Variants in DGKB observed in about 807,000 individuals in gnomAD.
DGKB encodes 90 kDa diacylglycerol kinase.
Under a neutral mutation model 114.3 loss-of-function variants are expected in DGKB, and 67 were observed. The observed-to-expected ratio is 0.59, with a 90% confidence interval of 0.48 to 0.72. DGKB has a LOEUF of 0.72. DGKB is among the 30% of genes least tolerant of loss of function. The probability of loss-of-function intolerance (pLI) is 0.00; values close to 1 mark genes in which losing one functional copy is unlikely to be tolerated. For missense variants in DGKB, 907 were observed against 975.2 expected (o/e 0.93, Z 0.93); for synonymous variants, 398 against 323.1 (o/e 1.23, Z -2.49).
At chr7:14,241,287 C>T (rs1296095579) in intron 23 of DGKB, among the ~76,000 whole-genome samples, 1 of 152,100 alleles carries the variant, frequency 6.6e-6, no homozygotes, top group Non-Finnish European at 1.5e-5. Context: ...TACAATTTCT[C>T]CCACCTAAAA....
intron 23 of DGKB, among the ~76,000 whole-genome samples, chr7:14,234,123 C>T (rs976638760): frequency 6.6e-6 from 1 of 151,952 alleles, no homozygotes; most frequent in Non-Finnish European, 1.5e-5. Context: ...ATGAAACTGT[C>T]AGCTATGGAG....
intron 21 of DGKB, among the ~76,000 whole-genome samples, chr7:14,406,427 A>G (rs961832122): frequency 1.3e-5 from 2 of 152,034 alleles, no homozygotes; most frequent in Non-Finnish European, 2.9e-5. Context: ...GTATATAAAG[A>G]AAAATCCTGC....
At chr7:14,527,020 C>T (rs114764226) in intron 20 of DGKB, among the ~76,000 whole-genome samples, 471 of 152,202 alleles carry the variant, frequency 3.1e-3, no homozygotes, top group African/African-American at 0.01. Context: ...TGCTAAATAT[C>T]CTCAGCATTT....
chr7:14,931,078 C>T (rs1373897135), intron 1 of DGKB, among the ~76,000 whole-genome samples: 2 of 150,162 alleles, frequency 1.3e-5, no homozygotes, highest in Non-Finnish European at 3.0e-5. Context: ...AGTGTATTAA[C>T]GTTTTGATGT....
chr7:14,934,219 T>A (rs188723692), intron 1 of DGKB, among the ~76,000 whole-genome samples: 5 of 152,202 alleles, frequency 3.3e-5, no homozygotes, highest in African/African-American at 1.2e-4. Flanking sequence ...ATTTGAATTA[T>A]GTTTCCCTCT....
At chr7:14,398,854 T>C (rs1436719994) in intron 21 of DGKB, among the ~76,000 whole-genome samples, 2 of 151,742 alleles carry the variant, frequency 1.3e-5, no homozygotes, top group Non-Finnish European at 2.9e-5. Context: ...AAGGTTATGA[T>C]TTTGAAATTC....
intron 21 of DGKB, among the ~76,000 whole-genome samples, chr7:14,468,221 G>C (rs989895194): frequency 6.6e-6 from 1 of 151,944 alleles, no homozygotes; most frequent in Non-Finnish European, 1.5e-5. Flanking sequence ...AACATCAAAG[G>C]GGAAGAAAAT....
intron 5 of DGKB, among the ~76,000 whole-genome samples, chr7:14,728,476 C>G (rs2128379039): frequency 6.6e-6 from 1 of 152,266 alleles, no homozygotes; most frequent in South Asian, 2.1e-4. Flanking sequence ...GTGCTCCTAA[C>G]AAGTCTATCT....
chr7:14,280,404 G>A (rs1028477748), intron 23 of DGKB, among the ~76,000 whole-genome samples: 15 of 152,180 alleles, frequency 9.9e-5, no homozygotes, highest in Admixed American at 7.9e-4. Context: ...TGAAAGTGAT[G>A]GGGAGAATGG....
chr7:14,544,346 A>G (rs1793950311), intron 20 of DGKB, among the ~76,000 whole-genome samples: 1 of 152,210 alleles, frequency 6.6e-6, no homozygotes, highest in African/African-American at 2.4e-5. Flanking sequence ...GATTCTTAGT[A>G]GAAAAGTAGT....
chr7:14,649,339 T>C (rs1465129259), intron 13 of DGKB, among the ~76,000 whole-genome samples: 1 of 151,504 alleles, frequency 6.6e-6, no homozygotes, highest in African/African-American at 2.4e-5. Context: ...GGGACCAATA[T>C]TCAACATTCT....
At chr7:14,543,538 A>C (rs1793819905) in intron 20 of DGKB, among the ~76,000 whole-genome samples, 1 of 152,228 alleles carries the variant, frequency 6.6e-6, no homozygotes, top group Non-Finnish European at 1.5e-5. Context: ...CACTGTTTGC[A>C]TTTTGATAGT....
At chr7:14,733,196 G>A (rs111753750) in intron 5 of DGKB, among the ~76,000 whole-genome samples, 1 of 152,114 alleles carries the variant, frequency 6.6e-6, no homozygotes, top group South Asian at 2.1e-4. Flanking sequence ...AAAACAGCAA[G>A]TGCGGTGAGG....
chr7:14,211,097 C>G (rs910911640), intron 23 of DGKB, among the ~76,000 whole-genome samples: 2 of 152,024 alleles, frequency 1.3e-5, no homozygotes, highest in Non-Finnish European at 2.9e-5. Context: ...TGTTCTCCTA[C>G]TCACCTCTCA....
At chr7:14,901,607 C>CA (rs1554338994) in intron 1 of DGKB, among the ~76,000 whole-genome samples, 2 of 134,046 alleles carry the variant, frequency 1.5e-5, no homozygotes, top group African/African-American at 2.8e-5. Context: ...GGATTTCCAC[C>CA]CCCCCCCACC....
intron 12 of DGKB, among the ~76,000 whole-genome samples, chr7:14,678,064 GA>G (rs1820182450): frequency 6.6e-6 from 1 of 151,974 alleles, no homozygotes; most frequent in African/African-American, 2.4e-5. Flanking sequence ...AGTATTACAG[GA>G]TGATATTATA....
At chr7:14,714,609 G>C (rs1827892699) in intron 6 of DGKB, among the ~76,000 whole-genome samples, 1 of 152,008 alleles carries the variant, frequency 6.6e-6, no homozygotes, top group Non-Finnish European at 1.5e-5. Context: ...TGATTAAATA[G>C]GTAGGTGTTT....
intron 23 of DGKB, among the ~76,000 whole-genome samples, chr7:14,220,243 A>T (rs373449208): frequency 7.3e-5 from 11 of 151,632 alleles, no homozygotes; most frequent in African/African-American, 2.7e-4. Context: ...ATCTTATGGG[A>T]CCACCATTAT....
At chr7:14,418,422 C>T (rs1289137294) in intron 21 of DGKB, among the ~76,000 whole-genome samples, 3 of 91,606 alleles carry the variant, frequency 3.3e-5, no homozygotes, top group African/African-American at 6.9e-5. Flanking sequence ...TGTGAGTATA[C>T]ATATTTCCTT....
Sources: gnomAD v4.1 joint callset for allele counts (sites outside exome capture counted in the v4.1 genomes callset) on GRCh38, gnomAD v4.1.1 for gene constraint, MANE v1.5 for transcripts, NCBI Gene and HGNC (gene_info 2026-07-23, HGNC 2026-07-21) for gene names.